ANKS1B: variants seen among roughly 807,000 people sequenced by gnomAD.
ANKS1B encodes the protein ankyrin repeat and sterile alpha motif domain-containing protein 1B.
Under a neutral mutation model 148.3 loss-of-function variants are expected in ANKS1B, and 36 were observed. The ratio of observed to expected loss-of-function variants is 0.24; its 90% confidence interval spans 0.19 to 0.32. The LOEUF is 0.32. ANKS1B is among the 10% of genes least tolerant of loss of function. The probability of loss-of-function intolerance (pLI) is 1.00; values close to 1 mark genes in which losing one functional copy is unlikely to be tolerated. For synonymous variants in ANKS1B, 542 were observed against 560.8 expected, an observed-to-expected ratio of 0.97 and a Z score of 0.47; for missense variants, 1,157 against 1,542.6, an observed-to-expected ratio of 0.75 and a Z score of 4.19.
chr12:99,303,300 A>G (rs562158658), intron 12 of ANKS1B, among the ~76,000 whole-genome samples: 1 of 152,316 alleles, frequency 6.6e-6, no homozygotes, highest in South Asian at 2.1e-4. Context: ...CATCTGTTCC[A>G]GATACTTACT....
chr12:99,096,817 T>C (rs1364981936), intron 15 of ANKS1B, among the ~76,000 whole-genome samples: 1 of 152,206 alleles, frequency 6.6e-6, no homozygotes, highest in African/African-American at 2.4e-5. Context: ...TGTCTAGTTT[T>C]TCAAGTTAAA....
At chr12:99,128,382 G>C (rs1328800806) in intron 15 of ANKS1B, among the ~76,000 whole-genome samples, 1 of 152,190 alleles carries the variant, frequency 6.6e-6, no homozygotes, top group African/African-American at 2.4e-5. Flanking sequence ...CTGCATGGGT[G>C]ATGAAATTAG....
At chr12:99,591,988 A>G (rs1254728456) in intron 9 of ANKS1B, among the ~76,000 whole-genome samples, 1 of 152,200 alleles carries the variant, frequency 6.6e-6, no homozygotes, top group Non-Finnish European at 1.5e-5. Flanking sequence ...CATTTCAGAA[A>G]CAGAGCAAAT....
chr12:98,759,453 C>T (rs1391653855), intron 25 of ANKS1B, among the ~76,000 whole-genome samples: 1 of 152,124 alleles, frequency 6.6e-6, no homozygotes, highest in Non-Finnish European at 1.5e-5. Context: ...TCCTCGCTGT[C>T]CTCCCGCATC....
intron 12 of ANKS1B, among the ~76,000 whole-genome samples, chr12:99,300,754 G>A (rs764744227): frequency 1.3e-5 from 2 of 152,138 alleles, no homozygotes; most frequent in Non-Finnish European, 2.9e-5. Context: ...CCTTGATCTG[G>A]TTTGGTGCAC....
rs561926660 is a variant in ANKS1B, at chr12:99,497,554, C to T, written c.1438+6922G>A. ...GAATGGCTGCCTTTTCCTGTTATAT[C>T]TTCACATTGTCTTCCCTCTATGGGT... On this transcript the variant is annotated intron_variant, in intron 10 of 26. Transcript: ENST00000683438. Among the ~76,000 whole-genome samples, 7 of 152,258 alleles carry T rather than the reference C, an allele frequency of 4.6e-5. No homozygotes were observed. In the South Asian group the frequency reaches 1.2e-3, roughly 27 times the overall value.
In ANKS1B at chr12:98,813,844, C is replaced by T. The variant is rs539400493; in HGVS notation, c.3067-5926G>A. On this transcript the variant is annotated intron_variant, in intron 19 of 26. Transcript: ENST00000683438. ...TGCTGGGATTACAGGCATGAGCCACCGCACCTGGCCAAATTAAACTATTTT... is the reference window on the plus strand; with the variant it reads ...TGCTGGGATTACAGGCATGAGCCACTGCACCTGGCCAAATTAAACTATTTT... Among the ~76,000 whole-genome samples the T allele has an allele frequency of 3.8e-4, 57 of 151,512 alleles. 1 individual carries two copies. The South Asian group carries it at 0.012, about 31-fold the overall frequency.
chr12:98,882,939 C>G (rs36040804), intron 17 of ANKS1B, among the ~76,000 whole-genome samples: 4,257 of 152,196 alleles, frequency 0.028, 94 homozygotes, highest in Non-Finnish European at 0.039. Context: ...TCTATTATTT[C>G]AGCTTGTCAC....
At chr12:99,849,833 G>A (rs1048847502) in intron 1 of ANKS1B, among the ~76,000 whole-genome samples, 2 of 152,072 alleles carry the variant, frequency 1.3e-5, no homozygotes, top group African/African-American at 2.4e-5. Flanking sequence ...CTAGAACAGG[G>A]CACAACTGGG....
Position 99,984,275 on chromosome 12 carries a change from C to T in ANKS1B, c.-38G>A, listed in dbSNP as rs765152239. ...ACTCCCCCACAGAGTCCTTGCCCCC[C>T]TCGGGTCCTCCTCCCCACCCACCCC... On this transcript the variant is annotated 5_prime_UTR_variant, in exon 1 of 27. Transcript: ENST00000683438. 1.3e-6 allele frequency: 2 copies of T among 1,583,400 alleles called. No individual in the cohort carries two copies. Among genetic ancestry groups the T allele is most frequent in the Non-Finnish European group, 1.7e-6 (2 of 1,163,898 alleles).
intron 4 of ANKS1B, among the ~76,000 whole-genome samples, chr12:99,790,222 G>C (rs549553100): frequency 1.2e-4 from 19 of 152,276 alleles, no homozygotes; most frequent in African/African-American, 4.3e-4. Context: ...CATATTTAAA[G>C]TGCTGAAGGA....
chr12:99,902,577 A>G (rs1287411948), intron 1 of ANKS1B, among the ~76,000 whole-genome samples: 1 of 152,120 alleles, frequency 6.6e-6, no homozygotes, highest in African/African-American at 2.4e-5. Flanking sequence ...AGTTAAGAGG[A>G]TGGATGGAAG....
At chr12:99,486,761 CCTAGTG>C (rs2096495273) in intron 10 of ANKS1B, among the ~76,000 whole-genome samples, 2 of 152,116 alleles carry the variant, frequency 1.3e-5, no homozygotes, top group Admixed American at 1.3e-4. Context: ...ACACTCCTGT[CCTAGTG>C]CTCTGGCTAT....
chr12:99,539,862 T>C (rs1424169877), intron 9 of ANKS1B, among the ~76,000 whole-genome samples: 1 of 152,136 alleles, frequency 6.6e-6, no homozygotes, highest in Admixed American at 6.6e-5. Context: ...GACAAGCCAC[T>C]GAGCCAAGCC....
intron 8 of ANKS1B, among the ~76,000 whole-genome samples, chr12:99,672,184 T>C (rs1790492664): frequency 1.3e-5 from 2 of 152,088 alleles, no homozygotes; most frequent in South Asian, 4.1e-4. Context: ...ATTAAACCCA[T>C]GCTGGATAAG....
In ANKS1B at chr12:99,246,480, C is replaced by G; in HGVS notation, c.2141G>C (p.Cys714Ser). ...MNAGGFVERA[C>S]TLGRIRSLPK... ...CAATGACCTTATTCTCCCCAGAGTA[C>G]AGGCTCTCTCCACAAATCCCCCTGC... Residue 714 changes from cysteine to serine, a missense_variant, in exon 13 of 27, where the codon TGT (cysteine) becomes TCT (serine). Physicochemically the swap from Cys to Ser is moderately radical, Grantham distance 112 (BLOSUM62 -1). This residue lies in a region of ANKS1B where 661 missense variants were observed against 642.1 expected (regional missense o/e 1.03). Coordinates refer to ENST00000683438, the MANE Select transcript of ANKS1B (RefSeq NM_001352186.2). The G allele has an allele frequency of 6.2e-7, 1 of 1,613,834 alleles. No individual in the cohort carries two copies. Among genetic ancestry groups the G allele is most frequent in the African/African-American group, 1.3e-5 (1 of 75,040 alleles).
At chr12:99,425,110 C>A (rs1001456159) in intron 11 of ANKS1B, among the ~76,000 whole-genome samples, 1 of 151,942 alleles carries the variant, frequency 6.6e-6, no homozygotes, top group African/African-American at 2.4e-5. Flanking sequence ...ATTCATTGCT[C>A]AATTAAATTC....
intron 3 of ANKS1B, 107 bp from the exon 4 acceptor site, chr12:99,806,807 T>TTTATCCATTTTAACAAGTA: frequency 9.2e-7 from 1 of 1,086,124 alleles, no homozygotes; most frequent in African/African-American, 1.6e-5. Flanking sequence ...TAAGTTAAGA[T>TTTATCCATTTTAACAAGTA]TTATCCATTT....
At chr12:98,911,700 G>A (rs1291288094) in intron 17 of ANKS1B, among the ~76,000 whole-genome samples, 1 of 152,298 alleles carries the variant, frequency 6.6e-6, no homozygotes, top group Middle Eastern at 3.4e-3. Flanking sequence ...GCCACCGGGT[G>A]TGCTGGTCCT....
Sources: gnomAD v4.1 joint callset for allele counts (sites outside exome capture counted in the v4.1 genomes callset) on GRCh38, gnomAD v4.1.1 for gene constraint, gnomAD v4.1.1 regional missense constraint, MANE v1.5 for transcripts, NCBI Gene and HGNC (gene_info 2026-07-23, HGNC 2026-07-21) for gene names.